Variants in FN1 observed in about 807,000 individuals in gnomAD.
The protein encoded by FN1 is fibronectin.
Under a neutral mutation model 297.3 loss-of-function variants are expected in FN1, and 106 were observed. The ratio of observed to expected loss-of-function variants is 0.36; its 90% CI spans 0.30 to 0.42. FN1 has a LOEUF of 0.42. Among genes scored for constraint, FN1 ranks in the 10% least tolerant of loss-of-function variants. FN1 has a pLI of 1.00. For synonymous variants in FN1, 1,149 were observed against 1,152.6 expected, an observed-to-expected ratio of 1.00 and a Z score of 0.06; for missense variants, 2,690 against 3,124.9, an observed-to-expected ratio of 0.86 and a Z score of 3.32.
chr2:215,423,333 C>CAA lies in FN1; in HGVS notation c.1393+15_1393+16dup. ...AATTGTTGTCAAACAAGACAACCCA[C>CAA]AAGGGCTTCATCTTACCAGCCATGG... On this transcript the variant is annotated intron_variant, in intron 9 of 45. Transcript: ENST00000354785. 2 of 1,613,372 alleles carry CAA rather than the reference C, an allele frequency of 1.2e-6. No homozygotes were observed. The highest frequency in any genetic ancestry group is 1.7e-6 in the Non-Finnish European group (2 of 1,179,858).
In FN1 at chr2:215,409,919, T is replaced by G; in HGVS notation, c.2122+15A>C. 1 of 1,612,768 alleles carries G rather than the reference T, an allele frequency of 6.2e-7. No individual in the cohort carries two copies. The highest frequency in any genetic ancestry group is 8.5e-7 in the Non-Finnish European group (1 of 1,179,706). On this transcript the variant is annotated intron_variant, in intron 14 of 45. Coordinates refer to ENST00000354785, the MANE Select transcript of FN1 (RefSeq NM_212482.4). ...ACCTCGGGGGTAGGAGGCATGAGGGTGGTTGTGTACATACTGGTCACAGGT... is the reference window on the plus strand; with the variant it reads ...ACCTCGGGGGTAGGAGGCATGAGGGGGGTTGTGTACATACTGGTCACAGGT...
intron 42 of FN1, among the ~76,000 whole-genome samples, chr2:215,367,416 G>A (rs1385027724): frequency 6.6e-6 from 1 of 152,094 alleles, no homozygotes; most frequent in Non-Finnish European, 1.5e-5. Context: ...TGTGTGCATG[G>A]GTACTATGAT....
Position 215,406,286 on chromosome 2 carries a change from C to T in FN1, c.2938G>A (p.Val980Met), listed in dbSNP as rs1409849102. The T allele has an allele frequency of 2.5e-6, 4 of 1,614,104 alleles. No individual in the cohort carries two copies. In the Admixed American group the frequency reaches 6.7e-5, roughly 27 times the overall value. Residue 980 changes from valine (V) to methionine (M), a missense_variant, in exon 19 of 46, where the codon GTG (valine) becomes ATG (methionine). Val to Met is a conservative substitution (Grantham distance 21). Around this residue, in one of 3 missense-constraint regions of FN1, gnomAD observed 1,743 missense variants for 1,945.2 expected, o/e 0.90. Coordinates refer to ENST00000354785, the MANE Select transcript of FN1 (RefSeq NM_212482.4). The part of the protein sequence containing the change: ...GVTYYFKVFA[V>M]SHGRESKPLT... ...GGCTTGCTCTCCCTCCCATGGCTCA[C>T]TGCAAAGACTTTGAAGTAATAGGTG...
intron 32 of FN1, chr2:215,381,856 T>C (rs1395734255): frequency 5.7e-6 from 2 of 352,928 alleles, no homozygotes; most frequent in South Asian, 2.3e-5. Flanking sequence ...GCCCCAAACA[T>C]AAAGCTACAT....
At chr2:215,417,117 T>G (rs974904945) in intron 12 of FN1, among the ~76,000 whole-genome samples, 4 of 152,222 alleles carry the variant, frequency 2.6e-5, no homozygotes, top group South Asian at 2.1e-4. Context: ...GACAGAAAAG[T>G]TAAAAATTAT....
intron 13 of FN1, among the ~76,000 whole-genome samples, chr2:215,410,548 C>T (rs1055579897): frequency 7.3e-5 from 11 of 151,022 alleles, no homozygotes; most frequent in Non-Finnish European, 1.5e-4. Context: ...GCTCTTGTTG[C>T]CCAGGCTAGA....
intron 36 of FN1, among the ~76,000 whole-genome samples, chr2:215,376,079 TA>T (rs958041018): frequency 1.3e-5 from 2 of 152,218 alleles, no homozygotes; most frequent in African/African-American, 4.8e-5. Flanking sequence ...TTTAAAAAGC[TA>T]AAAAAGACCT....
At chr2:215,370,499 C>A in intron 40 of FN1, 67 bp from the exon 41 acceptor site, 1 of 1,272,732 alleles carries the variant, frequency 7.9e-7, no homozygotes, top group Non-Finnish European at 1.1e-6. Context: ...GGGCTCTCCT[C>A]TTACCAATAA....
intron 20 of FN1, among the ~76,000 whole-genome samples, chr2:215,401,242 G>GAAAA (rs1387205425): frequency 0.01 from 625 of 59,684 alleles, 21 homozygotes; most frequent in African/African-American, 0.036. Context: ...AAGAAAGAAA[G>GAAAA]AAAGAAAGGA....
chr2:215,404,323 G>GTTT, intron 20 of FN1, 66 bp downstream of exon 20: 1 of 1,404,780 alleles, frequency 7.1e-7, no homozygotes, highest in Non-Finnish European at 1.0e-6. Context: ...GTTTTGTTTT[G>GTTT]TTTTAAAGCA....
Position 215,368,011 on chromosome 2 carries a change from G to A in FN1, c.6870C>T (p.Asn2290=). Residue 2290 remains asparagine, a synonymous_variant, in exon 42 of 46, where the codon AAC becomes AAT. Coordinates refer to ENST00000354785, the MANE Select transcript of FN1 (RefSeq NM_212482.4). ...CAAAGCACGAGTCATCCGTAGGTTG[G>A]TTCAAGCCTTCGTTGACTATGAAGA... The part of the protein sequence containing the change: ...TVGNSVNEGL[N]QPTDDSCFDP... The A allele has an allele frequency of 6.2e-7, 1 of 1,614,134 alleles. No individual in the cohort carries two copies.
At chr2:215,386,648 A>T (rs2059055297) in intron 28 of FN1, 41 bp downstream of exon 28, 1 of 1,544,220 alleles carries the variant, frequency 6.5e-7, no homozygotes, top group African/African-American at 1.5e-5. Flanking sequence ...CCAACTGGGT[A>T]GGAAAGTCTT....
intron 34 of FN1, 136 bp downstream of exon 34, chr2:215,378,994 T>A (rs968614821): frequency 1.1e-6 from 1 of 884,954 alleles, no homozygotes; most frequent in East Asian, 2.6e-5. Flanking sequence ...TCCGTTGATA[T>A]AAAATTACAA....
At chr2:215,416,961 A>G (rs1468079616) in intron 12 of FN1, among the ~76,000 whole-genome samples, 2 of 77,258 alleles carry the variant, frequency 2.6e-5, no homozygotes, top group African/African-American at 7.3e-5. Flanking sequence ...CTTTAAAGGA[A>G]ATGGACTGAA....
In FN1 at chr2:215,372,449, G is replaced by A. The variant is rs759963354; in HGVS notation, c.6248-74C>T. The A allele has an allele frequency of 3.5e-4, 383 of 1,094,324 alleles. 7 individuals carry two copies. In the South Asian group the frequency reaches 3.8e-3, roughly 11 times the overall value. 67.8% of individuals were successfully genotyped at this position (1,094,324 alleles called of 1,614,324 possible). On this transcript the variant is annotated intron_variant, in intron 39 of 45. Coordinates refer to ENST00000354785, the MANE Select transcript of FN1 (RefSeq NM_212482.4). The stretch of plus-strand genomic sequence containing the variant: ...GGAAGTAGCAGCAATGATAATAATC[G>A]ATTCAGGCAACAATGACTGTTCATC...
At chr2:215,423,065 CAG>C (rs1394355669) in intron 9 of FN1, among the ~76,000 whole-genome samples, 1 of 152,074 alleles carries the variant, frequency 6.6e-6, no homozygotes, top group Non-Finnish European at 1.5e-5. Flanking sequence ...TTCATATTTC[CAG>C]ACTTACAAAT....
chr2:215,426,205 G>A (rs1264645727), intron 6 of FN1, among the ~76,000 whole-genome samples: 128 of 139,588 alleles, frequency 9.2e-4, no homozygotes, highest in Non-Finnish European at 1.5e-3. Flanking sequence ...CTGGAGTGCA[G>A]TGGCGCAATC....
intron 42 of FN1, among the ~76,000 whole-genome samples, chr2:215,367,366 C>T (rs1392748007): frequency 6.6e-6 from 1 of 152,106 alleles, no homozygotes; most frequent in African/African-American, 2.4e-5. Context: ...ATATTTCTAG[C>T]AACGTTCAAG....
intron 24 of FN1, 99 bp from the exon 25 acceptor site, chr2:215,393,302 A>C (rs1423642924): frequency 1.7e-6 from 2 of 1,150,756 alleles, no homozygotes; most frequent in Non-Finnish European, 2.5e-6. Flanking sequence ...ACTAGTAGTA[A>C]AATTGGTGGA....
Sources: allele counts gnomAD v4.1 joint callset (sites outside exome capture counted in the v4.1 genomes callset), GRCh38; gene constraint gnomAD v4.1.1; regional missense constraint gnomAD v4.1.1; transcripts MANE v1.5; gene names NCBI Gene and HGNC (gene_info 2026-07-23, HGNC 2026-07-21).